Variants in SAMM50 observed in about 807,000 individuals in gnomAD.
The protein encoded by SAMM50 is sorting and assembly machinery component 50 homolog.
Under a neutral mutation model 66.9 loss-of-function variants are expected in SAMM50, and 47 were observed. That is an observed-to-expected ratio of 0.70 (90% CI 0.56 to 0.90). SAMM50 has a LOEUF of 0.90. Ranked by LOEUF, SAMM50 falls within the 40% of genes least tolerant of loss-of-function variation. SAMM50 has a pLI of 0.00. For missense variants in SAMM50, 535 were observed against 595.3 expected, an observed-to-expected ratio of 0.90 and a Z score of 1.05; for synonymous variants, 191 against 214.1, an observed-to-expected ratio of 0.89 and a Z score of 0.94.
At chr22:43,968,633 A>G (rs937849266) in intron 3 of SAMM50, 98 bp from the exon 4 acceptor site, 10 of 824,588 alleles carry the variant, frequency 1.2e-5, no homozygotes, top group Middle Eastern at 4.5e-4. Context: ...CTGACTTAGC[A>G]CCGAATGGTA....
At position 43,981,445 on chromosome 22, in the gene SAMM50, T is replaced by G. The variant is rs2050264293; in HGVS notation, c.991T>G (p.Ser331Ala). 2 of 1,612,896 alleles carry G rather than the reference T, an allele frequency of 1.2e-6. No individual in the cohort carries two copies. The highest frequency in any genetic ancestry group is 3.3e-4 in the Middle Eastern group (2 of 6,058). Reference sequence around the variant, plus strand: ...GTTGGTACCCATTGGTGATAAGCCGTCAAGCATTGCTGATAGGTAAGTACT... The same window carrying G: ...GTTGGTACCCATTGGTGATAAGCCGGCAAGCATTGCTGATAGGTAAGTACT... ...GMLVPIGDKP[S>A]SIADRFYLGG... The change falls in exon 11 of 15, where the codon TCA becomes GCA. Residue 331 changes from serine to alanine, a missense_variant. Transcript: ENST00000350028.
chr22:43,996,442 A>G lies in SAMM50; in HGVS notation c.*59A>G. ...GGCAGCAGCAAGGCGCCCATGCCAC[A>G]CACCGTCTCTCGAGGAAACGCGGTT... is the stretch of plus-strand genomic sequence containing the variant. On this transcript the variant is annotated 3_prime_UTR_variant, in exon 15 of 15. Coordinates refer to ENST00000350028, the MANE Select transcript of SAMM50 (RefSeq NM_015380.5). 6 of 1,509,470 alleles carry G rather than the reference A, an allele frequency of 4.0e-6. No individual in the cohort carries two copies. Among genetic ancestry groups the G allele is most frequent in the Non-Finnish European group, 4.6e-6 (5 of 1,084,590 alleles). The allele number at this position is 1,509,470 out of a possible 1,614,324, so 93.5% of individuals were successfully genotyped here.
At chr22:43,968,659 CG>C (rs1409949010) in intron 3 of SAMM50, 71 bp from the exon 4 acceptor site, 9 of 1,052,538 alleles carry the variant, frequency 8.6e-6, no homozygotes, top group Non-Finnish European at 1.3e-5. Context: ...CCAGCCTCGC[CG>C]TGTGGCTGCC....
chr22:43,969,356 A>G (rs1451728439), intron 4 of SAMM50, among the ~76,000 whole-genome samples: 2 of 152,146 alleles, frequency 1.3e-5, no homozygotes, highest in Non-Finnish European at 2.9e-5. Flanking sequence ...GTCTCTGAAC[A>G]TTTATTCTTT....
At chr22:43,963,440 C>A in intron 2 of SAMM50, 44 bp downstream of exon 2, 1 of 1,158,038 alleles carries the variant, frequency 8.6e-7, no homozygotes, top group Admixed American at 1.8e-5. Flanking sequence ...TTAGTGGAAA[C>A]ATTCACTTCC....
At chr22:43,970,337 C>T (rs2050196902) in intron 4 of SAMM50, among the ~76,000 whole-genome samples, 2 of 152,250 alleles carry the variant, frequency 1.3e-5, no homozygotes, top group South Asian at 2.1e-4. Context: ...TCCCTGAAGT[C>T]ACCCTGGGCT....
chr22:43,959,740 A>G (rs1026909620), intron 1 of SAMM50, among the ~76,000 whole-genome samples: 3 of 152,110 alleles, frequency 2.0e-5, no homozygotes, highest in Admixed American at 6.6e-5. Flanking sequence ...CATAGAATTT[A>G]TGGGATGTAC....
In SAMM50 at chr22:43,981,584, A is replaced by G. The variant is rs2050265060; in HGVS notation, c.1007+123A>G. ...AGCATAGTATTTCAAATATTCCTTTAGTATTTATGTTTAAGCTAATTTCTA... is the reference window on the plus strand; with the variant it reads ...AGCATAGTATTTCAAATATTCCTTTGGTATTTATGTTTAAGCTAATTTCTA... On this transcript the variant is annotated intron_variant, in intron 11 of 14. Transcript: ENST00000350028. The G allele has an allele frequency of 1.2e-5, 8 of 651,102 alleles. No individual in the cohort carries two copies. The East Asian group carries it at 2.4e-4, about 20-fold the overall frequency. The allele number at this position is 651,102 out of a possible 1,614,324, so 40.3% of individuals were successfully genotyped here. A position where few individuals can be genotyped will look rare whatever the true frequency, so the allele number is the denominator to read the frequency against.
chr22:43,992,957 G>A (rs971723924), intron 14 of SAMM50, among the ~76,000 whole-genome samples: 2 of 152,352 alleles, frequency 1.3e-5, no homozygotes, highest in East Asian at 1.9e-4. Context: ...TTTCCAGAGC[G>A]AGACTGCATC....
Position 43,955,491 on chromosome 22 carries a change from G to A in SAMM50, c.-87G>A, listed in dbSNP as rs1422304286. Reference sequence around the variant, plus strand: ...GGGAGTTGCCTTGACCTGCAGCTCCGCCACCGCGGACCCGCCTTCTGCCCT... The same window carrying A: ...GGGAGTTGCCTTGACCTGCAGCTCCACCACCGCGGACCCGCCTTCTGCCCT... On this transcript the variant is annotated 5_prime_UTR_variant, in exon 1 of 15. Transcript: ENST00000350028. The A allele has an allele frequency of 1.3e-6, 2 of 1,493,496 alleles. No homozygotes were observed. Among genetic ancestry groups the A allele is most frequent in the Admixed American group, 1.9e-5 (1 of 51,292 alleles). The allele number at this position is 1,493,496 out of a possible 1,614,324, so 92.5% of individuals were successfully genotyped here. A position where few individuals can be genotyped will look rare whatever the true frequency, so the allele number is the denominator to read the frequency against.
chr22:43,992,409 C>T (rs1336613544), intron 14 of SAMM50, among the ~76,000 whole-genome samples: 1 of 152,254 alleles, frequency 6.6e-6, no homozygotes, highest in East Asian at 1.9e-4. Flanking sequence ...CTGCGGCTCC[C>T]TACTGATGAC....
chr22:43,969,346 G>A (rs1487958862), intron 4 of SAMM50, among the ~76,000 whole-genome samples: 1 of 152,178 alleles, frequency 6.6e-6, no homozygotes, highest in African/African-American at 2.4e-5. Flanking sequence ...TACTGGGCAC[G>A]TCTCTGAACA....
chr22:43,996,374 G>T lies in SAMM50; in HGVS notation c.1401G>T (p.Arg467Ser). Residue 467 changes from arginine to serine, a missense_variant, in exon 15 of 15, where the codon AGG becomes AGT. Physicochemically the swap from Arg to Ser is moderately radical, Grantham distance 110 (BLOSUM62 -1). Coordinates refer to ENST00000350028, the MANE Select transcript of SAMM50 (RefSeq NM_015380.5). Reference sequence around the variant, plus strand: ...GCGTCCAGTTTGGAGCTGGGATAAGGTTCCTGTAGCCGACACCCCTACAGG... The same window carrying T: ...GCGTCCAGTTTGGAGCTGGGATAAGTTTCCTGTAGCCGACACCCCTACAGG... ...CDGVQFGAGI[R>S]FL is the part of the protein sequence containing the mutation. The T allele has an allele frequency of 2.5e-6, 4 of 1,614,176 alleles. No homozygotes were observed. Among genetic ancestry groups the T allele is most frequent in the Non-Finnish European group, 3.4e-6 (4 of 1,180,030 alleles).
chr22:43,971,667 T>G (rs897770017), intron 4 of SAMM50, among the ~76,000 whole-genome samples: 2 of 152,218 alleles, frequency 1.3e-5, no homozygotes, highest in South Asian at 2.1e-4. Context: ...ATGCTGCTTA[T>G]AGTTATCTCC....
At chr22:43,968,376 G>T (rs201102948) in intron 3 of SAMM50, among the ~76,000 whole-genome samples, 2 of 151,994 alleles carry the variant, frequency 1.3e-5, no homozygotes, top group African/African-American at 2.4e-5. Context: ...GCAGACACAC[G>T]TGTCTTTCTT....
chr22:43,968,344 GA>G (rs937555944), intron 3 of SAMM50, among the ~76,000 whole-genome samples: 9 of 148,902 alleles, frequency 6.0e-5, no homozygotes, highest in African/African-American at 1.7e-4. Context: ...AGGGAGAGCT[GA>G]AAAAAAAAAT....
Position 43,990,312 on chromosome 22 carries a change from T to C in SAMM50, c.1270T>C (p.Trp424Arg), listed in dbSNP as rs201556963. 2.5e-6 allele frequency: 4 copies of C among 1,614,150 alleles called. No individual in the cohort carries two copies. The highest frequency in any genetic ancestry group is 3.4e-6 in the Non-Finnish European group (4 of 1,180,026). ...HIRKLAECIRWSYGAGIVLRL... is the reference protein window; with the variant it reads ...HIRKLAECIRRSYGAGIVLRL... Reference sequence around the variant, plus strand: ...TCGTAAGCTGGCTGAGTGCATCCGCTGGTCGTACGGGGCCGGGATTGTCCT... The same window carrying C: ...TCGTAAGCTGGCTGAGTGCATCCGCCGGTCGTACGGGGCCGGGATTGTCCT... The change falls in exon 14 of 15, where the codon TGG becomes CGG. Residue 424 changes from tryptophan to arginine, a missense_variant. Physicochemically the swap from Trp to Arg is moderately radical, Grantham distance 101 (BLOSUM62 -3). Transcript: ENST00000350028.
chr22:43,960,310 T>C (rs1201823300), intron 1 of SAMM50, among the ~76,000 whole-genome samples: 1 of 152,234 alleles, frequency 6.6e-6, no homozygotes, highest in Non-Finnish European at 1.5e-5. Flanking sequence ...GTCACTGCTG[T>C]GAACCCAGCA....
At position 43,963,311 on chromosome 22, in the gene SAMM50, G is replaced by A. The variant is rs773573489; in HGVS notation, c.47G>A (p.Gly16Glu). 3 of 1,611,372 alleles carry A rather than the reference G, an allele frequency of 1.9e-6. No individual in the cohort carries two copies. Among genetic ancestry groups the A allele is most frequent in the East Asian group, 2.2e-5 (1 of 44,710 alleles). Reference sequence around the variant, plus strand: ...AGTTTGGAGCCTCTTCCATCAAGTGGACCTGATTTTGGAGGATTAGGAGAA... The same window carrying A: ...AGTTTGGAGCCTCTTCCATCAAGTGAACCTGATTTTGGAGGATTAGGAGAA... ...ARSLEPLPSS[G>E]PDFGGLGEEA... The change falls in exon 2 of 15, where the codon GGA (glycine) becomes GAA (glutamate). Residue 16 changes from glycine to glutamate, a missense_variant. Physicochemically the swap from Gly to Glu is moderately conservative, Grantham distance 98 (BLOSUM62 -2). Coordinates refer to ENST00000350028, the MANE Select transcript of SAMM50 (RefSeq NM_015380.5).
Sources: gnomAD v4.1 joint callset for allele counts (sites outside exome capture counted in the v4.1 genomes callset) on GRCh38, gnomAD v4.1.1 for gene constraint, MANE v1.5 for transcripts, NCBI Gene and HGNC (gene_info 2026-07-23, HGNC 2026-07-21) for gene names.